Variants in TBCEL observed in about 807,000 individuals in gnomAD.
The protein encoded by TBCEL is tubulin folding cofactor E like.
TBCEL carries 15 observed loss-of-function variants against 44.2 expected under a neutral mutation model. The ratio of observed to expected loss-of-function variants is 0.34; its 90% CI spans 0.23 to 0.52. TBCEL has a LOEUF of 0.52. Among genes scored for constraint, TBCEL ranks in the 20% least tolerant of loss-of-function variants. TBCEL has a pLI of 0.95. For synonymous variants in TBCEL, 171 were observed against 185.4 expected (o/e 0.92, Z 0.63); for missense variants, 319 against 506.3 (o/e 0.63, Z 3.55).
In TBCEL at chr11:121,029,354, C is replaced by T. The variant is rs371664273; in HGVS notation, c.-126+5063C>T. ...ATATCAGCTCCTCCATTTGTCTGGA[C>T]GTCTCAGCTTTCACAATAATAACTA... On this transcript the variant is annotated intron_variant, in intron 1 of 8. Coordinates refer to ENST00000683345, the MANE Select transcript of TBCEL (RefSeq NM_001363644.2). 2.6e-5 allele frequency among the ~76,000 whole-genome samples: 4 copies of T among 152,262 alleles called. No individual in the cohort carries two copies. In the East Asian group the frequency reaches 7.7e-4, roughly 29 times the overall value.
intron 4 of TBCEL, among the ~76,000 whole-genome samples, chr11:121,052,373 A>G (rs1385095693): frequency 6.6e-6 from 1 of 151,806 alleles, no homozygotes; most frequent in Non-Finnish European, 1.5e-5. Context: ...CTACCAACAG[A>G]TGGGAACTAT....
chr11:121,072,356 G>A (rs2134994216), intron 8 of TBCEL, among the ~76,000 whole-genome samples: 1 of 152,208 alleles, frequency 6.6e-6, no homozygotes, highest in Admixed American at 6.5e-5. Context: ...CTTTTTGTCA[G>A]TAAAACAATA....
At chr11:121,063,152 A>G (rs1002317538) in intron 8 of TBCEL, among the ~76,000 whole-genome samples, 1 of 152,144 alleles carries the variant, frequency 6.6e-6, no homozygotes, top group African/African-American at 2.4e-5. Context: ...TAGGACATGT[A>G]TTCATACCCC....
At chr11:121,075,587 AGTAT>A (rs1355467200) in intron 8 of TBCEL, among the ~76,000 whole-genome samples, 2 of 152,072 alleles carry the variant, frequency 1.3e-5, no homozygotes, top group Admixed American at 1.3e-4. Flanking sequence ...TAATATTTTT[AGTAT>A]GTGAGATCTT....
intron 8 of TBCEL, among the ~76,000 whole-genome samples, chr11:121,077,241 T>C (rs528744045): frequency 6.6e-6 from 1 of 150,486 alleles, no homozygotes; most frequent in South Asian, 2.1e-4. Flanking sequence ...GTAGAATTTA[T>C]CAGTGAAGCC....
chr11:121,056,224 C>T (rs1945618278), intron 6 of TBCEL, among the ~76,000 whole-genome samples: 1 of 151,904 alleles, frequency 6.6e-6, no homozygotes, highest in Non-Finnish European at 1.5e-5. Flanking sequence ...TAGTTGGAAT[C>T]ATACAGTATG....
chr11:121,041,594 G>C (rs534841822), intron 2 of TBCEL, among the ~76,000 whole-genome samples: 1 of 152,010 alleles, frequency 6.6e-6, no homozygotes, highest in African/African-American at 2.4e-5. Flanking sequence ...TTTGACACAC[G>C]TTATTTCCAA....
chr11:121,073,564 A>G (rs548918355), intron 8 of TBCEL, among the ~76,000 whole-genome samples: 1 of 151,986 alleles, frequency 6.6e-6, no homozygotes, highest in African/African-American at 2.4e-5. Context: ...AGTCATATCT[A>G]TACATAATTT....
intron 3 of TBCEL, 146 bp from the exon 4 acceptor site, chr11:121,047,382 T>G: frequency 1.1e-6 from 1 of 947,426 alleles, no homozygotes; most frequent in Non-Finnish European, 1.6e-6. Flanking sequence ...TCAGTACCCT[T>G]TGGTCCCATT....
chr11:121,070,127 G>T (rs1462569863), intron 8 of TBCEL, among the ~76,000 whole-genome samples: 6 of 152,174 alleles, frequency 3.9e-5, no homozygotes, highest in African/African-American at 1.4e-4. Flanking sequence ...GGCCATCAGA[G>T]AAATGCAAAT....
chr11:121,066,107 T>C (rs567342092), intron 8 of TBCEL, among the ~76,000 whole-genome samples: 1 of 152,264 alleles, frequency 6.6e-6, no homozygotes, highest in African/African-American at 2.4e-5. Context: ...TTGAGCAGGA[T>C]TGATGGGAAG....
chr11:121,073,785 G>T (rs181775346), intron 8 of TBCEL, among the ~76,000 whole-genome samples: 3 of 151,828 alleles, frequency 2.0e-5, no homozygotes, highest in Non-Finnish European at 4.4e-5. Context: ...ATTACGAGTA[G>T]ACATTGAATT....
At chr11:121,028,871 A>C (rs1380268522) in intron 1 of TBCEL, among the ~76,000 whole-genome samples, 2 of 152,204 alleles carry the variant, frequency 1.3e-5, no homozygotes, top group African/African-American at 4.8e-5. Context: ...CTTTAGAAGA[A>C]TTGGTATCAA....
rs1946231567 is a variant in TBCEL at position 121,087,186 on chromosome 11, T to TTTTTG, written c.*103_*107dup. On this transcript the variant is annotated 3_prime_UTR_variant, in exon 9 of 9. Coordinates refer to ENST00000683345, the MANE Select transcript of TBCEL (RefSeq NM_001363644.2). ...GGTTTTCTTTAGGAGGGAGAGGTTG[T>TTTTTG]TTTTGTTTTGTTTTGTTCTGTTTAG... The TTTTTG allele has an allele frequency of 1.5e-6, 2 of 1,318,868 alleles. No homozygotes were observed. The highest frequency in any genetic ancestry group is 1.5e-5 in the South Asian group (1 of 67,776). 81.7% of individuals were successfully genotyped at this position (1,318,868 alleles called of 1,614,324 possible). A position where few individuals can be genotyped will look rare whatever the true frequency, so the allele number is the denominator to read the frequency against.
intron 7 of TBCEL, among the ~76,000 whole-genome samples, chr11:121,059,466 T>C (rs1287149778): frequency 6.6e-6 from 1 of 151,916 alleles, no homozygotes; most frequent in Admixed American, 6.6e-5. Flanking sequence ...CTTGTCTGAA[T>C]TGAAATGTGC....
chr11:121,038,856 T>C (rs1945280766), intron 2 of TBCEL, among the ~76,000 whole-genome samples: 1 of 152,224 alleles, frequency 6.6e-6, no homozygotes, highest in Non-Finnish European at 1.5e-5. Context: ...ATTGCTACTC[T>C]TTTCTCGGCT....
At chr11:121,046,050 GT>G (rs1945424752) in intron 3 of TBCEL, among the ~76,000 whole-genome samples, 1 of 152,062 alleles carries the variant, frequency 6.6e-6, no homozygotes, top group Non-Finnish European at 1.5e-5. Context: ...TAATATTTGA[GT>G]GATAATATTT....
intron 7 of TBCEL, 27 bp downstream of exon 7, chr11:121,058,498 AT>A: frequency 6.2e-7 from 1 of 1,609,170 alleles, no homozygotes; most frequent in Non-Finnish European, 8.5e-7. Flanking sequence ...GTTTTGCTTT[AT>A]TTTTGTGAGG....
chr11:121,062,626 T>C (rs1315458516), intron 8 of TBCEL, among the ~76,000 whole-genome samples: 2 of 152,164 alleles, frequency 1.3e-5, no homozygotes, highest in Non-Finnish European at 2.9e-5. Flanking sequence ...GGTATAATTA[T>C]CCTAAGTGCA....
Sources: allele counts gnomAD v4.1 joint callset (sites outside exome capture counted in the v4.1 genomes callset), GRCh38; gene constraint gnomAD v4.1.1; transcripts MANE v1.5; gene names NCBI Gene and HGNC (gene_info 2026-07-23, HGNC 2026-07-21).